PPARGC1A: variants seen among roughly 807,000 people sequenced by gnomAD.
PPARGC1A encodes PPARG coactivator 1 alpha.
A neutral mutation model predicts 88.7 loss-of-function variants in PPARGC1A; 25 were observed. The observed-to-expected ratio is 0.28, with a 90% CI of 0.21 to 0.39. PPARGC1A has a LOEUF of 0.39. Among genes scored for constraint, PPARGC1A ranks in the 10% least tolerant of loss-of-function variants. PPARGC1A has a pLI of 1.00. For synonymous variants in PPARGC1A, 363 were observed against 355.6 expected, an observed-to-expected ratio of 1.02 and a Z score of -0.24; for missense variants, 880 against 968.7, an observed-to-expected ratio of 0.91 and a Z score of 1.22.
the PPARGC1A span, among the ~76,000 whole-genome samples, chr4:24,459,439 T>C: frequency 1.4e-3 from 206 of 149,912 alleles, no homozygotes; most frequent in African/African-American, 3.9e-3. Context: ...TTTAATGTTA[T>C]GGATGGTGTA....
At chr4:24,001,632 T>G in the PPARGC1A span, among the ~76,000 whole-genome samples, 1 of 152,324 alleles carries the variant, frequency 6.6e-6, no homozygotes, top group Admixed American at 6.5e-5. Flanking sequence ...CTCCTATCAC[T>G]GATTTTTTTT....
At chr4:24,269,569 C>A in the PPARGC1A span, among the ~76,000 whole-genome samples, 10 of 152,158 alleles carry the variant, frequency 6.6e-5, no homozygotes, top group African/African-American at 2.4e-4. Flanking sequence ...ATAAAAGGGA[C>A]ATTTTACATA....
chr4:23,891,295 T>G (rs1393647692), upstream of PPARGC1A, among the ~76,000 whole-genome samples: 6 of 152,184 alleles, frequency 3.9e-5, no homozygotes, highest in African/African-American at 1.4e-4. Flanking sequence ...ATAAACATGT[T>G]TTCATAAAAT....
the PPARGC1A span, among the ~76,000 whole-genome samples, chr4:24,192,579 C>T: frequency 2.0e-5 from 3 of 151,986 alleles, no homozygotes; most frequent in African/African-American, 4.8e-5. Flanking sequence ...GTAAGTCTGC[C>T]GTGAATAAAG....
the PPARGC1A span, among the ~76,000 whole-genome samples, chr4:24,070,618 A>G: frequency 6.6e-6 from 1 of 152,212 alleles, no homozygotes; most frequent in Non-Finnish European, 1.5e-5. Flanking sequence ...GATGAATTCT[A>G]GAAGAATCAT....
chr4:24,129,509 T>C, the PPARGC1A span, among the ~76,000 whole-genome samples: 2 of 152,120 alleles, frequency 1.3e-5, no homozygotes, highest in African/African-American at 2.4e-5. Flanking sequence ...ACATAGTACA[T>C]TGGAAAGAAT....
At chr4:24,042,612 C>G in the PPARGC1A span, among the ~76,000 whole-genome samples, 1 of 152,164 alleles carries the variant, frequency 6.6e-6, no homozygotes, top group Admixed American at 6.5e-5. Flanking sequence ...AGATACCGGA[C>G]CACATAAATG....
the PPARGC1A span, among the ~76,000 whole-genome samples, chr4:24,208,683 AT>A: frequency 0.074 from 9,412 of 126,908 alleles, 470 homozygotes; most frequent in East Asian, 0.19. Context: ...CAGAAAAAAA[AT>A]ATATATATAT....
chr4:24,156,360 T>C, the PPARGC1A span, among the ~76,000 whole-genome samples: 2 of 151,984 alleles, frequency 1.3e-5, no homozygotes, highest in African/African-American at 4.8e-5. Context: ...CCCTCCCCAC[T>C]TGCTATTTTT....
At chr4:24,383,406 G>A in the PPARGC1A span, among the ~76,000 whole-genome samples, 1 of 152,102 alleles carries the variant, frequency 6.6e-6, no homozygotes, top group Non-Finnish European at 1.5e-5. Context: ...GGTTTCAGAA[G>A]GTAGGTAATA....
the PPARGC1A span, among the ~76,000 whole-genome samples, chr4:24,253,187 G>A: frequency 6.6e-6 from 1 of 152,168 alleles, no homozygotes; most frequent in Non-Finnish European, 1.5e-5. Flanking sequence ...AGGTTAGTAT[G>A]TTAATAGTCT....
chr4:23,963,118 G>A, the PPARGC1A span, among the ~76,000 whole-genome samples: 1 of 152,104 alleles, frequency 6.6e-6, no homozygotes, highest in South Asian at 2.1e-4. Flanking sequence ...ACATGGTGGA[G>A]ACCCCGTGAA....
chr4:24,378,827 C>G, the PPARGC1A span, among the ~76,000 whole-genome samples: 3 of 152,120 alleles, frequency 2.0e-5, no homozygotes, highest in Non-Finnish European at 4.4e-5. Flanking sequence ...CTTAGCAACC[C>G]TCACTCTCAC....
At chr4:23,877,146 C>T (rs2148802104) in intron 2 of PPARGC1A, among the ~76,000 whole-genome samples, 1 of 151,976 alleles carries the variant, frequency 6.6e-6, no homozygotes, top group East Asian at 1.9e-4. Flanking sequence ...TCCCCTTTTC[C>T]CTGCTCTCAT....
the PPARGC1A span, among the ~76,000 whole-genome samples, chr4:23,929,628 C>T: frequency 6.6e-6 from 1 of 152,140 alleles, no homozygotes; most frequent in African/African-American, 2.4e-5. Flanking sequence ...GGAAAAAGTG[C>T]GGCACCCATT....
the PPARGC1A span, among the ~76,000 whole-genome samples, chr4:24,254,836 C>A: frequency 6.6e-6 from 1 of 152,208 alleles, no homozygotes. Context: ...GCAGCAATTG[C>A]TGAGATTTTT....
intron 10 of PPARGC1A, among the ~76,000 whole-genome samples, chr4:23,809,810 G>A (rs1012506707): frequency 2.6e-5 from 4 of 152,152 alleles, no homozygotes; most frequent in Non-Finnish European, 4.4e-5. Flanking sequence ...ATTGGATGCT[G>A]CAGGTGGAGA....
the PPARGC1A span, among the ~76,000 whole-genome samples, chr4:23,913,267 TAGAGAGAGAGAGAGAGAGAG>T: frequency 2.3e-4 from 18 of 77,532 alleles, 1 homozygote; most frequent in African/African-American, 3.4e-4. Context: ...TATATATATA[TAGAGAGAGAGAGAGAGAGAG>T]AGAGAGAGAG....
chr4:24,071,064 C>T, the PPARGC1A span, among the ~76,000 whole-genome samples: 1 of 152,166 alleles, frequency 6.6e-6, no homozygotes, highest in South Asian at 2.1e-4. Flanking sequence ...TTAGCTGCTA[C>T]CTGATCAAAC....
Sources: gnomAD v4.1 joint callset for allele counts (sites outside exome capture counted in the v4.1 genomes callset) on GRCh38, gnomAD v4.1.1 for gene constraint, MANE v1.5 for transcripts, NCBI Gene and HGNC (gene_info 2026-07-23, HGNC 2026-07-21) for gene names.